Variants in UBE2E2 observed in about 807,000 individuals in gnomAD.
UBE2E2 encodes the protein ubiquitin-conjugating enzyme E2 E2.
In UBE2E2, 6 loss-of-function variants were observed where a neutral mutation model predicts 24.7. That is an observed-to-expected ratio of 0.24 (90% confidence interval 0.13 to 0.48). The LOEUF (loss-of-function observed/expected upper bound fraction) is 0.48, where lower values mean the gene tolerates loss of function less well. Among genes scored for constraint, UBE2E2 ranks in the 20% least tolerant of loss-of-function variants. UBE2E2 has a pLI of 0.99. For missense variants in UBE2E2, 169 were observed against 245.0 expected (o/e 0.69, Z 2.07); for synonymous variants, 104 against 83.6 (o/e 1.24, Z -1.33).
intron 3 of UBE2E2, among the ~76,000 whole-genome samples, chr3:23,294,162 G>A (rs751140269): frequency 1.3e-5 from 2 of 152,138 alleles, no homozygotes; most frequent in Admixed American, 6.6e-5. Flanking sequence ...TCTGAGTGAA[G>A]CATTTTCAGC....
chr3:23,224,065 G>C (rs747651320), intron 3 of UBE2E2, among the ~76,000 whole-genome samples: 24 of 150,522 alleles, frequency 1.6e-4, no homozygotes, highest in Non-Finnish European at 2.9e-4. Context: ...AATAAATTTT[G>C]AAGTCAGGTA....
At chr3:23,385,541 C>T (rs1309968741) in intron 3 of UBE2E2, among the ~76,000 whole-genome samples, 1 of 152,180 alleles carries the variant, frequency 6.6e-6, no homozygotes, top group Non-Finnish European at 1.5e-5. Flanking sequence ...GTAATCCTGC[C>T]TTGTCTGTTA....
intron 3 of UBE2E2, among the ~76,000 whole-genome samples, chr3:23,344,766 G>C (rs1036302679): frequency 6.6e-6 from 1 of 151,554 alleles, no homozygotes; most frequent in Non-Finnish European, 1.5e-5. Context: ...TAGCTGCTTG[G>C]AAGGCTGAGA....
intron 3 of UBE2E2, among the ~76,000 whole-genome samples, chr3:23,382,178 ATTT>A (rs10645761): frequency 1.8e-5 from 2 of 110,840 alleles, no homozygotes; most frequent in African/African-American, 3.5e-5. Flanking sequence ...GAATACTTTA[ATTT>A]TTTTTTTTTT....
intron 3 of UBE2E2, among the ~76,000 whole-genome samples, chr3:23,325,220 G>T (rs1451432745): frequency 6.6e-6 from 1 of 150,764 alleles, no homozygotes; most frequent in Non-Finnish European, 1.5e-5. Flanking sequence ...GCTATTGTGT[G>T]TTTTTTTTTC....
chr3:23,486,238 AGCTCCGTG>A (rs1239802336), intron 3 of UBE2E2, among the ~76,000 whole-genome samples: 17 of 152,204 alleles, frequency 1.1e-4, no homozygotes, highest in African/African-American at 3.6e-4. Flanking sequence ...TACAGGTGCC[AGCTCCGTG>A]CAAGGCTGTA....
At chr3:23,545,573 T>C (rs891641382) in intron 5 of UBE2E2, among the ~76,000 whole-genome samples, 2 of 152,196 alleles carry the variant, frequency 1.3e-5, no homozygotes, top group South Asian at 4.1e-4. Context: ...GTCTCCTATG[T>C]CTACTTCTTT....
chr3:23,503,543 G>A (rs541766868), intron 4 of UBE2E2, among the ~76,000 whole-genome samples: 40 of 151,944 alleles, frequency 2.6e-4, no homozygotes, highest in Non-Finnish European at 4.1e-4. Context: ...TAGATAATTA[G>A]TTTTTAAATT....
chr3:23,271,103 A>G (rs1698229301), intron 3 of UBE2E2: 1 of 444,030 alleles, frequency 2.3e-6, no homozygotes, highest in Middle Eastern at 3.3e-4. Flanking sequence ...ATGAAGAGAA[A>G]TGGACCTTGA....
chr3:23,348,474 C>G (rs1013149713), intron 3 of UBE2E2, among the ~76,000 whole-genome samples: 9 of 151,284 alleles, frequency 5.9e-5, no homozygotes, highest in African/African-American at 2.2e-4. Flanking sequence ...AAAGATAAGA[C>G]AATAGCCAGA....
chr3:23,211,029 A>G (rs1696308576), intron 2 of UBE2E2, among the ~76,000 whole-genome samples: 1 of 152,162 alleles, frequency 6.6e-6, no homozygotes, highest in Non-Finnish European at 1.5e-5. Context: ...TGAACTTAGG[A>G]AAAAAATTGG....
chr3:23,515,901 G>A (rs1300740475), intron 4 of UBE2E2, among the ~76,000 whole-genome samples: 1 of 152,112 alleles, frequency 6.6e-6, no homozygotes, highest in Non-Finnish European at 1.5e-5. Flanking sequence ...CCCAGGAGTT[G>A]GAGATAGCAG....
At chr3:23,538,135 A>G (rs948543621) in intron 5 of UBE2E2, among the ~76,000 whole-genome samples, 2 of 152,192 alleles carry the variant, frequency 1.3e-5, no homozygotes, top group Admixed American at 6.5e-5. Context: ...TTTTCCTAGA[A>G]CAATAACTAC....
intron 3 of UBE2E2, among the ~76,000 whole-genome samples, chr3:23,484,398 T>C (rs1699318103): frequency 6.6e-6 from 1 of 152,194 alleles, no homozygotes; most frequent in Non-Finnish European, 1.5e-5. Flanking sequence ...AACATGGTAC[T>C]ACTGTGGTAT....
chr3:23,363,819 C>G (rs770910460), intron 3 of UBE2E2, among the ~76,000 whole-genome samples: 15 of 151,948 alleles, frequency 9.9e-5, no homozygotes, highest in African/African-American at 3.6e-4. Flanking sequence ...ACAGAACTCT[C>G]TACCCAAAAC....
intron 5 of UBE2E2, among the ~76,000 whole-genome samples, chr3:23,586,445 C>T (rs974910275): frequency 4.6e-5 from 7 of 152,082 alleles, no homozygotes; most frequent in Admixed American, 2.0e-4. Flanking sequence ...CAGGGGCACA[C>T]CACCACACCT....
intron 3 of UBE2E2, among the ~76,000 whole-genome samples, chr3:23,420,657 C>T (rs1167898303): frequency 6.6e-6 from 1 of 152,176 alleles, no homozygotes; most frequent in Non-Finnish European, 1.5e-5. Context: ...CAGTATTCTT[C>T]ACCTACACCA....
intron 3 of UBE2E2, among the ~76,000 whole-genome samples, chr3:23,373,209 T>G (rs746138984): frequency 6.6e-6 from 1 of 152,190 alleles, no homozygotes. Context: ...GGTCTTTATC[T>G]TTCTCTGAGT....
chr3:23,356,076 G>C (rs1013664676), intron 3 of UBE2E2, among the ~76,000 whole-genome samples: 1 of 152,158 alleles, frequency 6.6e-6, no homozygotes, highest in African/African-American at 2.4e-5. Flanking sequence ...AAAAAGAAGA[G>C]GATGCACTGA....
Sources: allele counts gnomAD v4.1 joint callset (sites outside exome capture counted in the v4.1 genomes callset), GRCh38; gene constraint gnomAD v4.1.1; transcripts MANE v1.5; gene names NCBI Gene and HGNC (gene_info 2026-07-23, HGNC 2026-07-21).